The following B3GALT1 variants were observed in gnomAD, a reference collection of about 807,000 sequenced individuals.
B3GALT1 encodes UDP-Gal:betaGlcNAc beta 1,3-galactosyltransferase, polypeptide 1.
Under a neutral mutation model 23.2 loss-of-function variants are expected in B3GALT1, and 10 were observed. The observed-to-expected ratio is 0.43, with a 90% CI of 0.27 to 0.73. The LOEUF is 0.73. Among genes scored for constraint, B3GALT1 ranks in the 30% least tolerant of loss-of-function variants. B3GALT1 has a pLI of 0.21. For synonymous variants in B3GALT1, 156 were observed against 141.5 expected, an observed-to-expected ratio of 1.10 and a Z score of -0.73; for missense variants, 299 against 405.4, an observed-to-expected ratio of 0.74 and a Z score of 2.25.
rs201425925 is a variant in B3GALT1 at position 167,425,420 on chromosome 2, G to A, written c.-510-64757G>A. ...TATTAAAGAATGAATCCCAGCAAGG[G>A]AAAAAAAATCACTACACCTATTTTT... On this transcript the variant is annotated intron_variant, in intron 1 of 4. Coordinates refer to ENST00000392690, the MANE Select transcript of B3GALT1 (RefSeq NM_020981.4). 7.4e-4 allele frequency among the ~76,000 whole-genome samples: 112 copies of A among 151,742 alleles called. 1 individual carries two copies. In the East Asian group the frequency reaches 0.018, roughly 24 times the overall value.
Position 167,533,283 on chromosome 2 carries a change from C to T in B3GALT1, c.-410+43006C>T, listed in dbSNP as rs376659266. Among the ~76,000 whole-genome samples, 27 of 152,132 alleles carry T rather than the reference C, an allele frequency of 1.8e-4. No homozygotes were observed. The East Asian group carries it at 3.3e-3, about 18-fold the overall frequency. ...CTTTGCATTCTGTCTTTCACCATTA[C>T]GTTACCTGTAGGTTTCTCATATGTA... On this transcript the variant is annotated intron_variant, in intron 2 of 4. Coordinates refer to ENST00000392690, the MANE Select transcript of B3GALT1 (RefSeq NM_020981.4).
intron 2 of B3GALT1, among the ~76,000 whole-genome samples, chr2:167,610,927 AGAG>A (rs1450516824): frequency 1.2e-4 from 16 of 136,714 alleles, no homozygotes; most frequent in African/African-American, 3.8e-4. Context: ...AAAAAAAAAA[AGAG>A]AGAGAGAGAG....
At chr2:167,811,313 A>G (rs1688885119) in intron 3 of B3GALT1, among the ~76,000 whole-genome samples, 1 of 152,200 alleles carries the variant, frequency 6.6e-6, no homozygotes, top group African/African-American at 2.4e-5. Flanking sequence ...CTTTCTACTC[A>G]TGGCATTTCT....
Position 167,367,436 on chromosome 2 carries a change from G to A in B3GALT1, c.-511+74102G>A, listed in dbSNP as rs149184656. The stretch of plus-strand genomic sequence containing the variant: ...CAACATTCCCCAGAATTCTCTACTG[G>A]ATAGAGAGACAAGAGAATAGCCTCT... On this transcript the variant is annotated intron_variant, in intron 1 of 4. Transcript: ENST00000392690. 9.9e-5 allele frequency among the ~76,000 whole-genome samples: 15 copies of A among 152,222 alleles called. No homozygotes were observed. In the East Asian group the frequency reaches 2.9e-3, roughly 29 times the overall value.
chr2:167,738,290 T>A (rs1431888392), intron 3 of B3GALT1, among the ~76,000 whole-genome samples: 2 of 152,332 alleles, frequency 1.3e-5, no homozygotes, highest in Non-Finnish European at 2.9e-5. Flanking sequence ...CAGTCCTCAT[T>A]GTTAGGGAAT....
At chr2:167,784,251 C>T (rs1166214175) in intron 3 of B3GALT1, among the ~76,000 whole-genome samples, 1 of 152,188 alleles carries the variant, frequency 6.6e-6, no homozygotes, top group Non-Finnish European at 1.5e-5. Context: ...TTCCGATTAC[C>T]AGGAGATGTG....
intron 3 of B3GALT1, among the ~76,000 whole-genome samples, chr2:167,704,042 G>T (rs1326128109): frequency 6.6e-6 from 1 of 152,002 alleles, no homozygotes; most frequent in Non-Finnish European, 1.5e-5. Context: ...TTAGCCGGGT[G>T]TGGTATCAGG....
At chr2:167,752,938 C>T (rs1014786613) in intron 3 of B3GALT1, among the ~76,000 whole-genome samples, 3 of 152,112 alleles carry the variant, frequency 2.0e-5, no homozygotes, top group African/African-American at 7.2e-5. Flanking sequence ...GTGCTTGGTT[C>T]CTTCAGGAAC....
Position 167,871,871 on chromosome 2 carries a change from G to T in B3GALT1, c.*1851G>T, listed in dbSNP as rs1690355037. 7.4e-6 allele frequency: 1 copy of T among 134,230 alleles called. No homozygotes were observed. The highest frequency in any genetic ancestry group is 7.5e-5 in the Admixed American group (1 of 13,368). 8.3% of individuals were successfully genotyped at this position (134,230 alleles called of 1,614,324 possible). On this transcript the variant is annotated 3_prime_UTR_variant, in exon 5 of 5. Coordinates refer to ENST00000392690, the MANE Select transcript of B3GALT1 (RefSeq NM_020981.4). Reference sequence around the variant, plus strand: ...AAGAAAGCCCCACAGCTGAAAGAGTGTACCTTTTTTATTTATTTACTTTTT... The same window carrying T: ...AAGAAAGCCCCACAGCTGAAAGAGTTTACCTTTTTTATTTATTTACTTTTT...
intron 1 of B3GALT1, among the ~76,000 whole-genome samples, chr2:167,344,532 A>G (rs927082638): frequency 1.3e-5 from 2 of 152,126 alleles, no homozygotes; most frequent in African/African-American, 4.8e-5. Flanking sequence ...GTTAATCTAT[A>G]TAGGTGCAGG....
chr2:167,376,307 C>A (rs1266395183), intron 1 of B3GALT1, among the ~76,000 whole-genome samples: 1 of 151,944 alleles, frequency 6.6e-6, no homozygotes, highest in African/African-American at 2.4e-5. Context: ...GTGGTTTTCT[C>A]TTTTTTGTTG....
At chr2:167,763,597 A>G (rs559692093) in intron 3 of B3GALT1, among the ~76,000 whole-genome samples, 1 of 147,566 alleles carries the variant, frequency 6.8e-6, no homozygotes, top group Non-Finnish European at 1.5e-5. Flanking sequence ...AGGCTGAGGC[A>G]TGAGAATCAC....
At chr2:167,837,903 T>C (rs995467378) in intron 4 of B3GALT1, among the ~76,000 whole-genome samples, 1 of 152,142 alleles carries the variant, frequency 6.6e-6, no homozygotes, top group Non-Finnish European at 1.5e-5. Flanking sequence ...ACATGGAAAC[T>C]GAACAACCTG....
At chr2:167,439,546 T>TTTTTA (rs200795642) in intron 1 of B3GALT1, among the ~76,000 whole-genome samples, 16 of 151,988 alleles carry the variant, frequency 1.1e-4, no homozygotes, top group African/African-American at 3.9e-4. Flanking sequence ...TTATTTCTCT[T>TTTTTA]TTTTATTTTA....
chr2:167,545,203 T>A (rs1683613026), intron 2 of B3GALT1, among the ~76,000 whole-genome samples: 1 of 151,376 alleles, frequency 6.6e-6, no homozygotes, highest in Non-Finnish European at 1.5e-5. Flanking sequence ...CCCGGCTAAT[T>A]TTTTTGTATT....
chr2:167,510,310 C>G (rs755279955), intron 2 of B3GALT1, among the ~76,000 whole-genome samples: 15 of 151,326 alleles, frequency 9.9e-5, no homozygotes, highest in Non-Finnish European at 1.8e-4. Context: ...TGAGTCATTT[C>G]AGTTATGAAG....
At position 167,869,463 on chromosome 2, in the gene B3GALT1, G is replaced by C; in HGVS notation, c.424G>C (p.Val142Leu). The change falls in exon 5 of 5, where the codon GTG (valine) becomes CTG (leucine). Residue 142 changes from valine to leucine, a missense_variant. Transcript: ENST00000392690. This position sits in a 1 kb window ranked among gnomAD's most constrained non-coding sequence, Gnocchi z 6.4. ...QESQIFHDII[V>L]EDFIDSYHNL... ...GAGCCAAATCTTCCATGATATCATC[G>C]TGGAGGACTTTATTGACTCCTACCA... 1 of 1,613,684 alleles carries C rather than the reference G, an allele frequency of 6.2e-7. No individual in the cohort carries two copies. The highest frequency in any genetic ancestry group is 8.5e-7 in the Non-Finnish European group (1 of 1,179,742).
chr2:167,812,990 A>ACCCC (rs1480592234), intron 3 of B3GALT1, among the ~76,000 whole-genome samples: 10 of 55,286 alleles, frequency 1.8e-4, no homozygotes, highest in African/African-American at 9.2e-4. Context: ...CACCACCACC[A>ACCCC]CCCCCACCCC....
chr2:167,591,844 T>A (rs530013163), intron 2 of B3GALT1, among the ~76,000 whole-genome samples: 2 of 152,094 alleles, frequency 1.3e-5, no homozygotes, highest in East Asian at 3.9e-4. Context: ...AGGGACAAGG[T>A]CAGAGGCATA....
Sources: allele counts gnomAD v4.1 joint callset (sites outside exome capture counted in the v4.1 genomes callset), GRCh38; gene constraint gnomAD v4.1.1; non-coding constraint Gnocchi (gnomAD v3.1); transcripts MANE v1.5; gene names NCBI Gene and HGNC (gene_info 2026-07-23, HGNC 2026-07-21).